Variants in CTNNA3 observed in about 807,000 individuals in gnomAD.
CTNNA3 encodes the protein catenin alpha-3.
CTNNA3 carries 76 observed loss-of-function variants against 95.7 expected under a neutral mutation model. That is an observed-to-expected ratio of 0.79 (90% CI 0.66 to 0.96). The LOEUF is 0.96. Ranked by LOEUF, CTNNA3 falls within the 40% of genes least tolerant of loss-of-function variation. The pLI is 0.00. For synonymous variants in CTNNA3, 431 were observed against 374.4 expected, an observed-to-expected ratio of 1.15 and a Z score of -1.74; for missense variants, 1,191 against 1,089.8, an observed-to-expected ratio of 1.09 and a Z score of -1.31.
At chr10:67,348,302 C>T (rs1009328668) in intron 5 of CTNNA3, among the ~76,000 whole-genome samples, 1 of 152,040 alleles carries the variant, frequency 6.6e-6, no homozygotes, top group African/African-American at 2.4e-5. Flanking sequence ...CAAATGAGCC[C>T]ACATCAAAGG....
At chr10:67,263,667 T>G (rs1564520799) in intron 5 of CTNNA3, among the ~76,000 whole-genome samples, 1 of 152,128 alleles carries the variant, frequency 6.6e-6, no homozygotes, top group Admixed American at 6.6e-5. Context: ...GGAAAGGATA[T>G]GCAAACTAAA....
At chr10:65,973,031 A>C (rs1281987139) in intron 16 of CTNNA3, among the ~76,000 whole-genome samples, 1 of 152,164 alleles carries the variant, frequency 6.6e-6, no homozygotes, top group African/African-American at 2.4e-5. Context: ...ATGGGACAGA[A>C]TAGAGAACAC....
chr10:66,394,240 A>G (rs1042643475), intron 11 of CTNNA3, among the ~76,000 whole-genome samples: 1 of 152,036 alleles, frequency 6.6e-6, no homozygotes, highest in Non-Finnish European at 1.5e-5. Flanking sequence ...GCTAGAGGGA[A>G]CTTCAAGTAT....
At chr10:66,334,528 A>T (rs2092371977) in intron 12 of CTNNA3, among the ~76,000 whole-genome samples, 1 of 151,888 alleles carries the variant, frequency 6.6e-6, no homozygotes, top group African/African-American at 2.4e-5. Context: ...CTGGGTTGAA[A>T]ATTCTTTTCT....
intron 6 of CTNNA3, among the ~76,000 whole-genome samples, chr10:67,198,506 G>A (rs1203362128): frequency 2.0e-5 from 3 of 152,270 alleles, no homozygotes; most frequent in Middle Eastern, 3.4e-3. Flanking sequence ...GCATCAGTGG[G>A]AAGACAGGGA....
chr10:66,835,847 A>G (rs1252141757), intron 7 of CTNNA3, among the ~76,000 whole-genome samples: 1 of 152,150 alleles, frequency 6.6e-6, no homozygotes, highest in African/African-American at 2.4e-5. Context: ...GGCTTGTTAA[A>G]GGGGAATCCT....
At chr10:66,685,909 G>T (rs887584320) in intron 9 of CTNNA3, among the ~76,000 whole-genome samples, 2 of 151,824 alleles carry the variant, frequency 1.3e-5, no homozygotes, top group African/African-American at 4.8e-5. Context: ...TAAATAGAGG[G>T]GATTAGATAT....
At chr10:66,539,390 A>C (rs1841770023) in intron 10 of CTNNA3, among the ~76,000 whole-genome samples, 2 of 152,090 alleles carry the variant, frequency 1.3e-5, no homozygotes, top group Non-Finnish European at 2.9e-5. Context: ...GGAAGAAGAA[A>C]TTATGCAGAT....
At chr10:66,609,680 A>G (rs570272685) in intron 10 of CTNNA3, among the ~76,000 whole-genome samples, 1 of 152,042 alleles carries the variant, frequency 6.6e-6, no homozygotes, top group Non-Finnish European at 1.5e-5. Flanking sequence ...CCATGTGGAA[A>G]ACAGCATGGT....
intron 12 of CTNNA3, among the ~76,000 whole-genome samples, chr10:66,295,915 A>G (rs2091770241): frequency 7.0e-6 from 1 of 141,916 alleles, no homozygotes; most frequent in Admixed American, 7.1e-5. Flanking sequence ...CTCTGGCTTC[A>G]GTAGGAAAAA....
At chr10:67,095,066 G>A (rs61868862) in intron 7 of CTNNA3, among the ~76,000 whole-genome samples, 82,436 of 150,256 alleles carry the variant, frequency 0.55, 24,185 homozygotes, top group African/African-American at 0.77. Context: ...ATCTGTATGT[G>A]TGTACCCCTA....
chr10:66,806,769 T>C (rs1021613552), intron 7 of CTNNA3, among the ~76,000 whole-genome samples: 86 of 125,418 alleles, frequency 6.9e-4, no homozygotes, highest in African/African-American at 2.2e-3. Flanking sequence ...TGTGTGTGTG[T>C]GTGTGTGTGT....
At chr10:66,698,079 C>CT (rs1170225388) in intron 9 of CTNNA3, among the ~76,000 whole-genome samples, 1 of 152,096 alleles carries the variant, frequency 6.6e-6, no homozygotes, top group Non-Finnish European at 1.5e-5. Flanking sequence ...CAAGCTCTGC[C>CT]TTTTTACCCA....
intron 11 of CTNNA3, among the ~76,000 whole-genome samples, chr10:66,408,789 G>T (rs1589210706): frequency 6.6e-6 from 1 of 152,228 alleles, no homozygotes; most frequent in Non-Finnish European, 1.5e-5. Flanking sequence ...AAAGAACAGT[G>T]TATAAAACCT....
intron 5 of CTNNA3, among the ~76,000 whole-genome samples, chr10:67,240,051 C>T (rs1865660033): frequency 6.6e-6 from 1 of 152,148 alleles, no homozygotes; most frequent in African/African-American, 2.4e-5. Context: ...TGGAATAGCT[C>T]AGCATATACT....
intron 14 of CTNNA3, among the ~76,000 whole-genome samples, chr10:66,083,538 A>C (rs753196746): frequency 3.9e-5 from 6 of 152,196 alleles, no homozygotes; most frequent in Non-Finnish European, 7.3e-5. Flanking sequence ...TTGATCAGCT[A>C]GCATAAGCCT....
chr10:67,262,489 T>C (rs1464322155), intron 5 of CTNNA3, among the ~76,000 whole-genome samples: 1 of 152,116 alleles, frequency 6.6e-6, no homozygotes, highest in Non-Finnish European at 1.5e-5. Flanking sequence ...TAGTCAGAAA[T>C]AGCACCCCAG....
At chr10:67,195,519 G>A (rs147498294) in intron 6 of CTNNA3, among the ~76,000 whole-genome samples, 1,414 of 118,364 alleles carry the variant, frequency 0.012, 24 homozygotes, top group African/African-American at 0.038. Context: ...GGCGGGGGGC[G>A]GGTAGGCTCC....
At chr10:67,519,426 T>C (rs760244085) in intron 5 of CTNNA3, among the ~76,000 whole-genome samples, 5 of 152,140 alleles carry the variant, frequency 3.3e-5, no homozygotes, top group Non-Finnish European at 7.4e-5. Context: ...CAATAATACA[T>C]AGGGGCAAGG....
Sources: allele counts gnomAD v4.1 joint callset (sites outside exome capture counted in the v4.1 genomes callset), GRCh38; gene constraint gnomAD v4.1.1; transcripts MANE v1.5; gene names NCBI Gene and HGNC (gene_info 2026-07-23, HGNC 2026-07-21).